LINC00632: variants seen among roughly 807,000 people sequenced by gnomAD.
The protein encoded by LINC00632 is long independently transcribed non-coding RNA 632.
At position 140,712,301 on chromosome X, in the gene LINC00632, T is replaced by C. The variant is rs1219569474; in HGVS notation, n.104+645T>C. ...AAATTAAAATTAAGGAATCCAAATA[T>C]ATGAAACCACGGTTTCAGGTGTGCT... On this transcript the variant is annotated intron_variant and non_coding_transcript_variant, in intron 2 of 4. Coordinates refer to ENST00000648200, the Ensembl canonical transcript of LINC00632. 4.6e-5 allele frequency: 5 copies of C among 108,513 alleles called. No individual in the cohort carries two copies. In the East Asian group the frequency reaches 1.2e-3, roughly 25 times the overall value. 8.9% of individuals were successfully genotyped at this position (108,513 alleles called of 1,213,427 possible).
At chrX:140,743,257 A>AAAAAAAAAAAAAAG (rs1931270752) in intron 3 of LINC00632, among the ~76,000 whole-genome samples, 1 of 101,872 alleles carries the variant, frequency 9.8e-6, no homozygotes, top group African/African-American at 3.6e-5. Flanking sequence ...AAAAAAAAAA[A>AAAAAAAAAAAAAAG]AAAGAAATAG....
At chrX:140,776,173 A>T (rs948643116) in exon 5 of LINC00632, among the ~76,000 whole-genome samples, 1 of 112,362 alleles carries the variant, frequency 8.9e-6, no homozygotes, top group Admixed American at 9.4e-5. Flanking sequence ...CATGAAAAAA[A>T]GCTCATCATC....
At chrX:140,722,836 G>A (rs1930753152) in intron 2 of LINC00632, among the ~76,000 whole-genome samples, 1 of 110,970 alleles carries the variant, frequency 9.0e-6, no homozygotes, top group Non-Finnish European at 1.9e-5. Context: ...GATCACCTGA[G>A]GTGGGGAATT....
chrX:140,713,477 T>G, intron 2 of LINC00632: 1 of 331,210 alleles, frequency 3.0e-6, no homozygotes, highest in South Asian at 2.8e-5. Context: ...GTCTGGCACA[T>G]AGTAACCATT....
At chrX:140,745,620 T>C (rs761062164) in intron 3 of LINC00632, among the ~76,000 whole-genome samples, 83 of 111,900 alleles carry the variant, frequency 7.4e-4, no homozygotes, top group Non-Finnish European at 1.5e-3. Flanking sequence ...AGCTGGAAGA[T>C]GCCCCAATGC....
chrX:140,717,061 T>C (rs908019009), intron 2 of LINC00632, among the ~76,000 whole-genome samples: 1 of 110,009 alleles, frequency 9.1e-6, no homozygotes, highest in Non-Finnish European at 1.9e-5. Context: ...CTCGGCTCAC[T>C]GCAGCCTCCG....
At chrX:140,745,493 C>A (rs1931312936) in intron 3 of LINC00632, among the ~76,000 whole-genome samples, 1 of 111,474 alleles carries the variant, frequency 9.0e-6, no homozygotes. Context: ...TCTGACATAG[C>A]ATTCCTGGTG....
chrX:140,723,452 C>CCATT (rs375229739), intron 2 of LINC00632, among the ~76,000 whole-genome samples: 1 of 9,438 alleles, frequency 1.1e-4, no homozygotes, highest in Non-Finnish European at 5.0e-4. Flanking sequence ...CACACACATT[C>CCATT]CACACACACA....
In LINC00632 at chrX:140,786,534, T is replaced by C. The variant is rs546441372; in HGVS notation, n.14553T>C. On this transcript the variant is annotated non_coding_transcript_exon_variant, in exon 5 of 5. Transcript: ENST00000648200. ...ATATCAGTTTTACTAATCTGAGTGC[T>C]AACAATAGCCATGGGACCCAGCTGT... is the stretch of plus-strand genomic sequence containing the variant. Among the ~76,000 whole-genome samples, 49 of 111,737 alleles carry C rather than the reference T, an allele frequency of 4.4e-4. 1 individual carries two copies. In the South Asian group the frequency reaches 0.018, roughly 42 times the overall value.
chrX:140,770,328 G>A (rs755715780), intron 3 of LINC00632, among the ~76,000 whole-genome samples: 28 of 112,007 alleles, frequency 2.5e-4, no homozygotes, highest in East Asian at 1.4e-3. Context: ...CCAATATGGC[G>A]ATGAAAGTGA....
intron 3 of LINC00632, among the ~76,000 whole-genome samples, chrX:140,744,618 G>A (rs1354184939): frequency 8.5e-5 from 9 of 105,504 alleles, no homozygotes; most frequent in Non-Finnish European, 1.2e-4. Flanking sequence ...CGCCCAGGCC[G>A]GAGGGTAGTG....
chrX:140,787,444 T>C (rs763771910), exon 5 of LINC00632, among the ~76,000 whole-genome samples: 1 of 111,989 alleles, frequency 8.9e-6, no homozygotes, highest in Admixed American at 9.5e-5. Context: ...AATTTTCTTG[T>C]ATTATAAAAA....
intron 3 of LINC00632, among the ~76,000 whole-genome samples, chrX:140,753,985 A>AAGAT (rs1166733293): frequency 9.0e-6 from 1 of 110,864 alleles, no homozygotes; most frequent in Non-Finnish European, 1.9e-5. Context: ...CATGTTGGCC[A>AAGAT]AGATGGTCTC....
At chrX:140,725,633 A>G (rs1602737156) in intron 2 of LINC00632, among the ~76,000 whole-genome samples, 1 of 112,069 alleles carries the variant, frequency 8.9e-6, no homozygotes. Flanking sequence ...ACTGAACCAC[A>G]CAAATGAAAC....
At chrX:140,735,036 A>T (rs1198451086) in intron 3 of LINC00632, among the ~76,000 whole-genome samples, 1 of 111,450 alleles carries the variant, frequency 9.0e-6, no homozygotes, top group East Asian at 2.8e-4. Context: ...AAGTGCTGGG[A>T]TTACAGGCAT....
chrX:140,715,175 A>T (rs1216118273), intron 2 of LINC00632, among the ~76,000 whole-genome samples: 2 of 111,812 alleles, frequency 1.8e-5, no homozygotes, highest in Non-Finnish European at 3.8e-5. Flanking sequence ...GTGATCCAGG[A>T]TACCCTCACC....
chrX:140,713,630 C>T (rs780374477), intron 2 of LINC00632: 21 of 340,537 alleles, frequency 6.2e-5, no homozygotes, highest in South Asian at 5.5e-4. Flanking sequence ...AGCACCTAGA[C>T]TCTTCTCACA....
intron 3 of LINC00632, among the ~76,000 whole-genome samples, chrX:140,745,269 T>C (rs5954084): frequency 0.14 from 15,376 of 109,646 alleles, 1,690 homozygotes; most frequent in African/African-American, 0.38. Flanking sequence ...CTTCCTCACA[T>C]TGAACTGAAA....
At chrX:140,714,223 A>C in intron 2 of LINC00632, 1 of 159,135 alleles carries the variant, frequency 6.3e-6, no homozygotes, top group Non-Finnish European at 1.2e-5. Context: ...CAACAGACAG[A>C]CTCACCCCAT....
Sources: allele counts gnomAD v4.1 joint callset (sites outside exome capture counted in the v4.1 genomes callset), GRCh38; gene constraint gnomAD v4.1.1; transcripts MANE v1.5; gene names NCBI Gene and HGNC (gene_info 2026-07-23, HGNC 2026-07-21).